The following RPTOR variants were observed in gnomAD, a reference collection of about 807,000 sequenced individuals.
The protein encoded by RPTOR is regulatory associated protein of MTOR complex 1, also known as regulatory-associated protein of mTOR.
A neutral mutation model predicts 169.9 loss-of-function variants in RPTOR; 21 were observed. That is an observed-to-expected ratio of 0.12 (90% CI 0.09 to 0.18). The LOEUF is 0.18. RPTOR is among the 10% of genes least tolerant of loss of function. The pLI is 1.00. For synonymous variants in RPTOR, 732 were observed against 753.2 expected, an observed-to-expected ratio of 0.97 and a Z score of 0.46; for missense variants, 1,133 against 1,855.9, an observed-to-expected ratio of 0.61 and a Z score of 7.16.
intron 1 of RPTOR, among the ~76,000 whole-genome samples, chr17:80,560,261 G>A (rs1413693939): frequency 6.6e-6 from 1 of 152,224 alleles, no homozygotes; most frequent in Non-Finnish European, 1.5e-5. Flanking sequence ...GTGGCTGGAC[G>A]AAGATCTGTG....
intron 3 of RPTOR, among the ~76,000 whole-genome samples, chr17:80,686,489 A>G (rs1198779812): frequency 6.6e-6 from 1 of 151,996 alleles, no homozygotes; most frequent in Admixed American, 6.6e-5. Flanking sequence ...TGTCTAGTGC[A>G]GTTCTACCCT....
rs551452446 is a variant in RPTOR at position 80,827,193 on chromosome 17, T to C, written c.1136+3970T>C. Among the ~76,000 whole-genome samples, 212 of 152,328 alleles carry C rather than the reference T, an allele frequency of 1.4e-3. 11 individuals carry two copies. In the South Asian group the frequency reaches 0.042, roughly 30 times the overall value. On this transcript the variant is annotated intron_variant, in intron 9 of 33. Transcript: ENST00000306801. ...TCATGGCCCTTCTGGTGGACGCGTC[T>C]CCCTCTGCTTAGTAATAGGAGTTCC... is the stretch of plus-strand genomic sequence containing the variant.
At chr17:80,907,520 T>C (rs920819062) in intron 20 of RPTOR, among the ~76,000 whole-genome samples, 4 of 152,248 alleles carry the variant, frequency 2.6e-5, no homozygotes, top group African/African-American at 9.6e-5. Flanking sequence ...GCTTCCCTTC[T>C]CGGCCTCTCT....
intron 7 of RPTOR, among the ~76,000 whole-genome samples, chr17:80,816,659 A>C (rs1471275157): frequency 6.6e-6 from 1 of 152,164 alleles, no homozygotes; most frequent in South Asian, 2.1e-4. Context: ...AGATTCAGCA[A>C]ATGAAGAAAG....
At chr17:80,800,465 G>A (rs1030943892) in intron 7 of RPTOR, among the ~76,000 whole-genome samples, 9 of 152,092 alleles carry the variant, frequency 5.9e-5, no homozygotes, top group African/African-American at 1.9e-4. Context: ...AGAGAAGATC[G>A]GGCAGTTTGT....
Position 80,845,357 on chromosome 17 carries a change from C to T in RPTOR, c.1213-1116C>T, listed in dbSNP as rs1464490973. Among the ~76,000 whole-genome samples, 2 of 152,120 alleles carry T rather than the reference C, an allele frequency of 1.3e-5. No individual in the cohort carries two copies. The highest frequency in any genetic ancestry group is 6.5e-5 in the Admixed American group (1 of 15,276). On this transcript the variant is annotated intron_variant, in intron 10 of 33. Transcript: ENST00000306801. This position sits in a 1 kb window ranked among gnomAD's most constrained non-coding sequence, Gnocchi z 5.4. The stretch of plus-strand genomic sequence containing the variant: ...TTTTTTTTGGTCTCCCTCACCCGCG[C>T]GCCTTCTCTGTCCAGCTGCAACCCC...
intron 5 of RPTOR, among the ~76,000 whole-genome samples, chr17:80,733,324 C>A (rs1250729810): frequency 6.6e-6 from 1 of 152,168 alleles, no homozygotes; most frequent in African/African-American, 2.4e-5. Flanking sequence ...GGATAATATT[C>A]AAGTCTCTCC....
intron 3 of RPTOR, among the ~76,000 whole-genome samples, chr17:80,652,957 A>G (rs945876097): frequency 1.3e-5 from 2 of 152,294 alleles, no homozygotes; most frequent in Middle Eastern, 3.4e-3. Context: ...TATGAAGTGG[A>G]ATCTCATCGT....
intron 9 of RPTOR, among the ~76,000 whole-genome samples, chr17:80,832,719 C>G (rs770094363): frequency 6.6e-6 from 1 of 152,132 alleles, no homozygotes; most frequent in Admixed American, 6.5e-5. Context: ...CTGTCTGCCA[C>G]GAAAACAATG....
intron 2 of RPTOR, among the ~76,000 whole-genome samples, chr17:80,634,518 TGCGTACTGTGTGCATGTGC>T: frequency 7.0e-6 from 1 of 141,962 alleles, no homozygotes; most frequent in Non-Finnish European, 1.5e-5. Context: ...TGTGTGTGTG[TGCGTACTGTGTGCATGTGC>T]GTACTGTGTG....
chr17:80,545,508 C>T lies in RPTOR; in HGVS notation c.-122C>T. 1.4e-6 allele frequency: 1 copy of T among 737,168 alleles called. No individual in the cohort carries two copies. The highest frequency in any genetic ancestry group is 2.6e-5 in the East Asian group (1 of 38,584). The allele number at this position is 737,168 out of a possible 1,614,324, so 45.7% of individuals were successfully genotyped here. On this transcript the variant is annotated 5_prime_UTR_variant, in exon 1 of 34. Transcript: ENST00000306801. The stretch of plus-strand genomic sequence containing the variant: ...AGTAAGGGTCTCCGCACTCTTTATC[C>T]ATTTGGTTTTCGATTTCCCGTTTTT...
At chr17:80,734,898 T>C (rs2066422177) in intron 5 of RPTOR, among the ~76,000 whole-genome samples, 1 of 152,210 alleles carries the variant, frequency 6.6e-6, no homozygotes, top group East Asian at 1.9e-4. Flanking sequence ...GTTTACAGCA[T>C]TCACATGGTA....
chr17:80,925,398 G>A lies in RPTOR; in HGVS notation c.2837G>A (p.Gly946Glu). The A allele has an allele frequency of 1.2e-6, 2 of 1,613,766 alleles. No individual in the cohort carries two copies. The highest frequency in any genetic ancestry group is 1.7e-6 in the Non-Finnish European group (2 of 1,180,036). Residue 946 changes from glycine (G) to glutamate (E), a missense_variant, in exon 24 of 34, where the codon GGA (glycine) becomes GAA (glutamate). Coordinates refer to ENST00000306801, the MANE Select transcript of RPTOR (RefSeq NM_020761.3). ...QTADDADDAA[G>E]HKSFISATVQ... ...GCGGACGACGCGGACGATGCTGCTG[G>A]ACACAAAAGTTTCATCTCCGCCACG...
At chr17:80,930,434 T>G (rs2068879622) in intron 24 of RPTOR, among the ~76,000 whole-genome samples, 1 of 6,078 alleles carries the variant, frequency 1.6e-4, no homozygotes, top group African/African-American at 8.3e-4. Context: ...CTCATCCTCA[T>G]CCCCAGCTCA....
intron 1 of RPTOR, among the ~76,000 whole-genome samples, chr17:80,598,515 G>T (rs574625470): frequency 1.3e-5 from 2 of 152,148 alleles, no homozygotes; most frequent in African/African-American, 2.4e-5. Context: ...AAATGTGAAG[G>T]TCATCTGCAG....
At chr17:80,760,761 C>T (rs770958561) in intron 6 of RPTOR, among the ~76,000 whole-genome samples, 7 of 152,140 alleles carry the variant, frequency 4.6e-5, no homozygotes, top group Non-Finnish European at 8.8e-5. Context: ...GGGCGATGCT[C>T]GGGAAGGTGG....
rs908903909 is a variant in RPTOR, at chr17:80,965,673, G to C, written c.*1343G>C. On this transcript the variant is annotated 3_prime_UTR_variant, in exon 34 of 34. Coordinates refer to ENST00000306801, the MANE Select transcript of RPTOR (RefSeq NM_020761.3). Reference sequence around the variant, plus strand: ...CGGCTCTCCTGCGGTGTGGCTGGTGGCCTGCCGTGGCCAAGAGCATCTTCT... The same window carrying C: ...CGGCTCTCCTGCGGTGTGGCTGGTGCCCTGCCGTGGCCAAGAGCATCTTCT... 2 of 233,208 alleles carry C rather than the reference G, an allele frequency of 8.6e-6. No individual in the cohort carries two copies. Among genetic ancestry groups the C allele is most frequent in the East Asian group, 1.2e-4 (2 of 16,604 alleles). The allele number at this position is 233,208 out of a possible 1,614,324, so 14.4% of individuals were successfully genotyped here.
intron 21 of RPTOR, among the ~76,000 whole-genome samples, chr17:80,916,410 A>AC (rs1269030297): frequency 1.3e-5 from 2 of 152,042 alleles, no homozygotes; most frequent in Non-Finnish European, 2.9e-5. Context: ...AGAGCTGCCC[A>AC]CCCCCCTGCA....
chr17:80,847,963 G>A (rs1388459001), intron 11 of RPTOR, among the ~76,000 whole-genome samples: 1 of 152,256 alleles, frequency 6.6e-6, no homozygotes, highest in Non-Finnish European at 1.5e-5. Context: ...CCGCCGTTCA[G>A]TCTGTGCTGC....
Sources: allele counts gnomAD v4.1 joint callset (sites outside exome capture counted in the v4.1 genomes callset), GRCh38; gene constraint gnomAD v4.1.1; non-coding constraint Gnocchi (gnomAD v3.1); transcripts MANE v1.5; gene names NCBI Gene and HGNC (gene_info 2026-07-23, HGNC 2026-07-21).